ATAD2B: variants seen among roughly 807,000 people sequenced by gnomAD.
ATAD2B encodes ATPase family AAA domain containing 2B, also known as ATPase family AAA domain-containing protein 2B.
In ATAD2B, 40 loss-of-function variants were observed where a neutral mutation model predicts 167.6. The ratio of observed to expected loss-of-function variants is 0.24; its 90% confidence interval spans 0.19 to 0.31. The LOEUF (loss-of-function observed/expected upper bound fraction) is 0.31. Among genes scored for constraint, ATAD2B ranks in the 10% least tolerant of loss-of-function variants. The probability of loss-of-function intolerance (pLI) is 1.00; values close to 1 mark genes in which losing one functional copy is unlikely to be tolerated. For synonymous variants in ATAD2B, 579 were observed against 596.5 expected, an observed-to-expected ratio of 0.97 and a Z score of 0.43; for missense variants, 1,242 against 1,757.2, an observed-to-expected ratio of 0.71 and a Z score of 5.24.
chr2:23,781,093 C>T (rs1370962253), intron 22 of ATAD2B, among the ~76,000 whole-genome samples: 1 of 151,812 alleles, frequency 6.6e-6, no homozygotes, highest in East Asian at 1.9e-4. Context: ...GTCAGCTAGG[C>T]CTCGGCGTAC....
intron 12 of ATAD2B, among the ~76,000 whole-genome samples, chr2:23,860,141 C>T (rs72786298): frequency 0.1 from 15,612 of 151,952 alleles, 893 homozygotes; most frequent in Middle Eastern, 0.18. Context: ...CTTTGCCCTT[C>T]TGCTATGGAT....
intron 1 of ATAD2B, among the ~76,000 whole-genome samples, chr2:23,912,457 C>T (rs538346105): frequency 1.6e-4 from 24 of 151,670 alleles, no homozygotes; most frequent in African/African-American, 5.8e-4. Context: ...CAGTGGGCTA[C>T]GATCATGCCA....
At chr2:23,886,796 T>C (rs1327324116) in intron 4 of ATAD2B, among the ~76,000 whole-genome samples, 3 of 151,850 alleles carry the variant, frequency 2.0e-5, no homozygotes, top group African/African-American at 7.3e-5. Context: ...CCAGGCATGG[T>C]GACGGACACC....
chr2:23,870,604 C>T (rs1327816435), intron 8 of ATAD2B, among the ~76,000 whole-genome samples: 2 of 146,190 alleles, frequency 1.4e-5, no homozygotes, highest in Admixed American at 7.1e-5. Context: ...ATTTAAATTA[C>T]ATCCAAATTT....
intron 17 of ATAD2B, among the ~76,000 whole-genome samples, chr2:23,817,453 C>T (rs1050951167): frequency 1.4e-4 from 22 of 152,200 alleles, no homozygotes; most frequent in Non-Finnish European, 2.9e-4. Flanking sequence ...ACTCCCATCC[C>T]TTCATAATGA....
intron 22 of ATAD2B, among the ~76,000 whole-genome samples, chr2:23,777,163 A>T (rs1349974728): frequency 6.6e-6 from 1 of 152,168 alleles, no homozygotes; most frequent in Non-Finnish European, 1.5e-5. Flanking sequence ...CCAAGAAAAG[A>T]GGCCTCAGGA....
intron 17 of ATAD2B, 86 bp downstream of exon 17, chr2:23,819,661 A>T: frequency 1.8e-6 from 2 of 1,097,558 alleles, no homozygotes; most frequent in Non-Finnish European, 2.5e-6. Context: ...CACAGTTATA[A>T]CCATAAGTAA....
At chr2:23,807,928 T>G (rs1481603904) in intron 18 of ATAD2B, among the ~76,000 whole-genome samples, 2 of 129,048 alleles carry the variant, frequency 1.5e-5, no homozygotes, top group Non-Finnish European at 3.2e-5. Context: ...ATAAATATAT[T>G]TATAATATAT....
At chr2:23,822,125 CA>C (rs1476983376) in intron 16 of ATAD2B, among the ~76,000 whole-genome samples, 1 of 152,196 alleles carries the variant, frequency 6.6e-6, no homozygotes, top group Non-Finnish European at 1.5e-5. Context: ...CCAATAACAA[CA>C]AAATGATTAG....
At chr2:23,717,276 G>C in the ATAD2B span, among the ~76,000 whole-genome samples, 1 of 152,102 alleles carries the variant, frequency 6.6e-6, no homozygotes, top group Non-Finnish European at 1.5e-5. Flanking sequence ...GAATGCACAG[G>C]GGCCATGCTG....
At chr2:23,895,422 CTT>C (rs984736526) in intron 2 of ATAD2B, among the ~76,000 whole-genome samples, 1 of 151,960 alleles carries the variant, frequency 6.6e-6, no homozygotes, top group African/African-American at 2.4e-5. Context: ...GAAAAGATGT[CTT>C]TTAAAATTAA....
intron 15 of ATAD2B, 138 bp from the exon 16 acceptor site, chr2:23,823,707 A>C: frequency 1.4e-6 from 1 of 739,070 alleles, no homozygotes; most frequent in Non-Finnish European, 2.1e-6. Flanking sequence ...TACCAGCAAA[A>C]TGAAAACTAG....
chr2:23,699,168 A>G, the ATAD2B span, among the ~76,000 whole-genome samples: 3 of 152,208 alleles, frequency 2.0e-5, no homozygotes, highest in Non-Finnish European at 4.4e-5. Context: ...TCAGAGGCAG[A>G]GGCACGGGCT....
intron 24 of ATAD2B, 63 bp downstream of exon 24, chr2:23,762,146 C>G (rs2149321699): frequency 6.5e-7 from 1 of 1,540,712 alleles, no homozygotes; most frequent in South Asian, 1.2e-5. Flanking sequence ...TACCCAATTC[C>G]TAACATATCT....
At chr2:23,696,153 GGGCGGGACCA>G in the ATAD2B span, 1 of 1,547,332 alleles carries the variant, frequency 6.5e-7, no homozygotes, top group African/African-American at 1.4e-5. This position sits in a 1 kb window ranked among gnomAD's most constrained non-coding sequence, Gnocchi z 5.5. Flanking sequence ...CCCGGGGTTG[GGGCGGGACCA>G]GGCATGGGGG....
chr2:23,816,380 T>C (rs1686458089), intron 17 of ATAD2B, among the ~76,000 whole-genome samples: 1 of 152,118 alleles, frequency 6.6e-6, no homozygotes, highest in Non-Finnish European at 1.5e-5. Flanking sequence ...AAGAAGAAAC[T>C]TGAAAACTTC....
At chr2:23,850,721 T>C (rs1193398705) in intron 13 of ATAD2B, among the ~76,000 whole-genome samples, 7 of 152,218 alleles carry the variant, frequency 4.6e-5, no homozygotes, top group African/African-American at 1.4e-4. Context: ...AAATATTCTG[T>C]ATGATACTGT....
At chr2:23,781,218 C>T (rs980901626) in intron 22 of ATAD2B, among the ~76,000 whole-genome samples, 31 of 152,014 alleles carry the variant, frequency 2.0e-4, no homozygotes, top group African/African-American at 7.5e-4. Context: ...TTTCACAGAA[C>T]ACCAGTATCA....
At chr2:23,803,323 C>G (rs867383875) in intron 18 of ATAD2B, among the ~76,000 whole-genome samples, 1 of 150,492 alleles carries the variant, frequency 6.6e-6, no homozygotes, top group African/African-American at 2.4e-5. Context: ...TACACACACA[C>G]ACACACACAC....
Sources: gnomAD v4.1 joint callset for allele counts (sites outside exome capture counted in the v4.1 genomes callset) on GRCh38, gnomAD v4.1.1 for gene constraint, Gnocchi (gnomAD v3.1) non-coding constraint, MANE v1.5 for transcripts, NCBI Gene and HGNC (gene_info 2026-07-23, HGNC 2026-07-21) for gene names.